The following EYS variants were observed in gnomAD, a reference collection of about 807,000 sequenced individuals.
EYS encodes the protein protein eyes shut homolog.
Under a neutral mutation model 282.1 loss-of-function variants are expected in EYS, and 250 were observed. The observed-to-expected ratio is 0.89, with a 90% confidence interval of 0.80 to 0.98. The LOEUF (loss-of-function observed/expected upper bound fraction) is 0.98. EYS is among the 50% of genes least tolerant of loss of function. The pLI is 0.00. For missense variants in EYS, 4,016 were observed against 3,709.0 expected, an observed-to-expected ratio of 1.08 and a Z score of -2.15; for synonymous variants, 1,355 against 1,282.9, an observed-to-expected ratio of 1.06 and a Z score of -1.20.
Position 65,057,727 on chromosome 6 carries a change from C to T in EYS, c.2024G>A (p.Gly675Asp), listed in dbSNP as rs1323236780. 7.2e-6 allele frequency: 11 copies of T among 1,534,938 alleles called. No individual in the cohort carries two copies. In the Admixed American group the frequency reaches 2.0e-4, roughly 28 times the overall value. Residue 675 changes from glycine to aspartate, a missense_variant and splice_region_variant, in exon 13 of 43, where the codon GGT (glycine) becomes GAT (aspartate). Transcript: ENST00000503581. The stretch of plus-strand genomic sequence containing the variant: ...ATCTATATCAATTTCACATTGCGTA[C>T]CTTTGGAAAATAGGAAAAAAAAATG... Reference protein sequence around the residue: ...FFRKCVPGFKGTQCEIDIDEC... With the variant: ...FFRKCVPGFKDTQCEIDIDEC...
At chr6:64,945,991 A>G (rs1346672605) in intron 14 of EYS, 77 bp from the exon 15 acceptor site, 1 of 1,065,664 alleles carries the variant, frequency 9.4e-7, no homozygotes, top group African/African-American at 1.6e-5. Context: ...ACTCCTGGCC[A>G]TTTTGATATC....
chr6:64,886,478 A>T (rs1767090087), intron 19 of EYS, among the ~76,000 whole-genome samples: 1 of 152,050 alleles, frequency 6.6e-6, no homozygotes, highest in Admixed American at 6.6e-5. Flanking sequence ...ATAAAAATGT[A>T]AGATAACTTA....
At chr6:64,961,452 CAT>C (rs34407029) in intron 14 of EYS, among the ~76,000 whole-genome samples, 60,766 of 149,030 alleles carry the variant, frequency 0.41, 15,615 homozygotes, top group African/African-American at 0.74. Context: ...TCCAATATAT[CAT>C]ATATATATAT....
chr6:64,945,124 TAAA>T (rs763133866), intron 15 of EYS, among the ~76,000 whole-genome samples: 2 of 112,294 alleles, frequency 1.8e-5, no homozygotes, highest in Non-Finnish European at 1.8e-5. Flanking sequence ...GTTTCTCTAT[TAAA>T]AAAAAAAAAA....
At chr6:64,509,822 A>C (rs1777327262) in intron 26 of EYS, among the ~76,000 whole-genome samples, 1 of 152,160 alleles carries the variant, frequency 6.6e-6, no homozygotes, top group Non-Finnish European at 1.5e-5. Flanking sequence ...GAAAAATATA[A>C]TTGCAAACTT....
chr6:65,171,583 C>A (rs998495995), intron 12 of EYS, among the ~76,000 whole-genome samples: 1 of 150,938 alleles, frequency 6.6e-6, no homozygotes, highest in Admixed American at 6.6e-5. Context: ...TTTAGTTGTG[C>A]GAGGTCGTTT....
At chr6:65,006,160 T>C (rs113952180) in intron 13 of EYS, among the ~76,000 whole-genome samples, 10,824 of 151,764 alleles carry the variant, frequency 0.071, 452 homozygotes, top group African/African-American at 0.12. Context: ...CCCCACCACC[T>C]GTGCCAGGGC....
chr6:64,872,485 A>G (rs147195026), intron 19 of EYS, among the ~76,000 whole-genome samples: 122 of 152,134 alleles, frequency 8.0e-4, no homozygotes, highest in Non-Finnish European at 1.3e-3. Flanking sequence ...TGCTGAGGAC[A>G]TAGGATCCAG....
intron 2 of EYS, among the ~76,000 whole-genome samples, chr6:65,595,467 A>AT (rs541926835): frequency 0.012 from 1,715 of 148,308 alleles, 27 homozygotes; most frequent in African/African-American, 0.027. Context: ...TTAAAGTATA[A>AT]TTAAAAAAAA....
At chr6:64,294,604 A>C (rs958176482) in intron 30 of EYS, among the ~76,000 whole-genome samples, 4 of 152,214 alleles carry the variant, frequency 2.6e-5, no homozygotes, top group African/African-American at 9.6e-5. Flanking sequence ...GCCACCAGAC[A>C]AATTAGTGGA....
chr6:64,427,363 G>A (rs1273994126), intron 28 of EYS, among the ~76,000 whole-genome samples: 2 of 152,090 alleles, frequency 1.3e-5, no homozygotes, highest in South Asian at 2.1e-4. Flanking sequence ...ATGTCAACTT[G>A]GGGAGAGACT....
intron 12 of EYS, among the ~76,000 whole-genome samples, chr6:65,241,163 T>C (rs1767048851): frequency 1.3e-5 from 2 of 152,200 alleles, no homozygotes; most frequent in South Asian, 4.1e-4. Flanking sequence ...TATTTTTCAC[T>C]GATTCAGTCT....
intron 14 of EYS, among the ~76,000 whole-genome samples, chr6:64,994,513 C>T (rs1440379744): frequency 2.0e-5 from 3 of 152,066 alleles, no homozygotes; most frequent in African/African-American, 7.2e-5. Context: ...ACTCTTTAGG[C>T]AAATGCGAAT....
At chr6:64,458,868 T>C (rs1334708468) in intron 26 of EYS, among the ~76,000 whole-genome samples, 1 of 152,182 alleles carries the variant, frequency 6.6e-6, no homozygotes, top group African/African-American at 2.4e-5. Flanking sequence ...ATGGGCTTCA[T>C]TCATCAAGGC....
intron 8 of EYS, among the ~76,000 whole-genome samples, chr6:65,360,270 G>A (rs1582185037): frequency 6.6e-6 from 1 of 151,712 alleles, no homozygotes; most frequent in African/African-American, 2.4e-5. Flanking sequence ...CTTTCAAAAA[G>A]CAATGATGAA....
Position 64,217,337 on chromosome 6 carries a change from G to A in EYS, c.6424+13255C>T, listed in dbSNP as rs138443876. On this transcript the variant is annotated intron_variant, in intron 31 of 42. Transcript: ENST00000503581. ...TGAGGTCAGGAGTTTGAGACCAGCC[G>A]GGTCAACATGGCAAAACCCCATCTC... Among the ~76,000 whole-genome samples, 901 of 152,042 alleles carry A rather than the reference G, an allele frequency of 5.9e-3. 9 individuals carry two copies. Among genetic ancestry groups the A allele is most frequent in the African/African-American group, 0.021 (859 of 41,490 alleles).
intron 41 of EYS, chr6:63,742,051 C>A: frequency 4.4e-6 from 3 of 688,948 alleles, no homozygotes; most frequent in South Asian, 3.0e-5. Context: ...TATCTTCTGT[C>A]GTGGCAGACA....
At chr6:64,355,231 T>C (rs1308651382) in intron 29 of EYS, among the ~76,000 whole-genome samples, 1 of 151,584 alleles carries the variant, frequency 6.6e-6, no homozygotes, top group African/African-American at 2.4e-5. Flanking sequence ...AAACAGAATT[T>C]TGTGTGCAAA....
At chr6:65,132,913 C>A (rs1260003335) in intron 12 of EYS, among the ~76,000 whole-genome samples, 1 of 151,812 alleles carries the variant, frequency 6.6e-6, no homozygotes, top group Non-Finnish European at 1.5e-5. Context: ...TTCTTACACA[C>A]CAAGAACAGC....
Sources: allele counts gnomAD v4.1 joint callset (sites outside exome capture counted in the v4.1 genomes callset), GRCh38; gene constraint gnomAD v4.1.1; transcripts MANE v1.5; gene names NCBI Gene and HGNC (gene_info 2026-07-23, HGNC 2026-07-21).